Variants in SIRT2 observed in about 807,000 individuals in gnomAD.
The protein encoded by SIRT2 is sirtuin 2, also known as NAD-dependent protein deacetylase sirtuin-2.
A neutral mutation model predicts 57.4 loss-of-function variants in SIRT2; 40 were observed. The observed-to-expected ratio is 0.70, with a 90% CI of 0.54 to 0.91. The LOEUF is 0.91. Ranked by LOEUF, SIRT2 falls within the 40% of genes least tolerant of loss-of-function variation. The pLI is 0.00. For synonymous variants in SIRT2, 161 were observed against 195.7 expected, an observed-to-expected ratio of 0.82 and a Z score of 1.48; for missense variants, 439 against 510.4, an observed-to-expected ratio of 0.86 and a Z score of 1.35.
Position 38,889,092 on chromosome 19 carries a change from TGTAGCAGCGCAGGA to T in SIRT2, c.482_495del (p.Leu161HisfsTer51). 1 of 1,611,796 alleles carries T rather than the reference TGTAGCAGCGCAGGA, an allele frequency of 6.2e-7. No homozygotes were observed. The highest frequency in any genetic ancestry group is 8.5e-7 in the Non-Finnish European group (1 of 1,179,524). Reference sequence around the variant, plus strand: ...GGATGCTCGCATCCGCCTACCTGCGTGTAGCAGCGCAGGAGTAGCCCCTTGTCCTTCAGCAGGCG... The same window carrying T: ...GGATGCTCGCATCCGCCTACCTGCGTGTAGCCCCTTGTCCTTCAGCAGGCG... On this transcript the variant is annotated frameshift_variant, in exon 8 of 16. Coordinates refer to ENST00000249396, the MANE Select transcript of SIRT2 (RefSeq NM_012237.4). LOFTEE classifies it high-confidence loss of function.
At chr19:38,889,667 C>T (rs1156853275) in intron 7 of SIRT2, 22 bp downstream of exon 7, 4 of 1,613,390 alleles carry the variant, frequency 2.5e-6, no homozygotes, top group Non-Finnish European at 3.4e-6. Context: ...CTGTTTCGCC[C>T]CCTGCAAAAC....
rs112014215 is a variant in SIRT2, at chr19:38,879,908, C to T, written c.877-206G>A. The stretch of plus-strand genomic sequence containing the variant: ...TGATGTGATCTCGGCTCACTGCAAC[C>T]TCCACCTCCTGGGTTCAAGTGATTC... On this transcript the variant is annotated intron_variant, in intron 13 of 15. Transcript: ENST00000249396. The T allele has an allele frequency of 1.1e-3, 630 of 564,492 alleles. 3 individuals are homozygous for T. Among genetic ancestry groups the T allele is most frequent in the African/African-American group, 0.011 (577 of 53,324 alleles). The allele number at this position is 564,492 out of a possible 1,614,324, so 35.0% of individuals were successfully genotyped here. A position where few individuals can be genotyped will look rare whatever the true frequency, so the allele number is the denominator to read the frequency against.
chr19:38,879,161 G>C lies in SIRT2; in HGVS notation c.1164C>G (p.Pro388=), dbSNP rs1400105255. 1 of 1,569,888 alleles carries C rather than the reference G, an allele frequency of 6.4e-7. No individual in the cohort carries two copies. The highest frequency in any genetic ancestry group is 8.6e-7 in the Non-Finnish European group (1 of 1,164,744). The part of the protein sequence containing the change: ...DEARTTEREK[P]Q ...CGCCTGGGAGATGCAGCTGTCACTG[G>C]GGTTTCTCCCTCTCTGTTGTCCTGG... Residue 388 remains proline, a synonymous_variant, in exon 16 of 16, where the codon CCC becomes CCG. Transcript: ENST00000249396.
At chr19:38,889,035 C>A in intron 8 of SIRT2, 52 bp downstream of exon 8, 1 of 1,544,694 alleles carries the variant, frequency 6.5e-7, no homozygotes, top group South Asian at 1.1e-5. Context: ...CTGAGGACAC[C>A]ATGCCCGTTC....
At position 38,880,917 on chromosome 19, in the gene SIRT2, C is replaced by T. The variant is rs985261189; in HGVS notation, c.748-20G>A. On this transcript the variant is annotated intron_variant, in intron 11 of 15. Transcript: ENST00000249396. The surrounding 1 kb of genome is among the most constrained non-coding windows in gnomAD (Gnocchi z 4.1). The stretch of plus-strand genomic sequence containing the variant: ...GAAGTCCTGCGGGGAGGGGCGTGAG[C>T]TTGGGAGCCTCCGCCCAGGCTGCGC... 6.2e-7 allele frequency: 1 copy of T among 1,610,802 alleles called. No homozygotes were observed. The highest frequency in any genetic ancestry group is 1.3e-5 in the African/African-American group (1 of 74,846).
At chr19:38,893,092 T>C (rs1016406961) in intron 4 of SIRT2, among the ~76,000 whole-genome samples, 2 of 150,878 alleles carry the variant, frequency 1.3e-5, no homozygotes, top group African/African-American at 4.9e-5. Flanking sequence ...TTTGAACTAC[T>C]GGGAAAAGGT....
At position 38,879,098 on chromosome 19, in the gene SIRT2, C is replaced by T. The variant is rs779532093; in HGVS notation, c.*57G>A. On this transcript the variant is annotated 3_prime_UTR_variant, in exon 16 of 16. Coordinates refer to ENST00000249396, the MANE Select transcript of SIRT2 (RefSeq NM_012237.4). ...CTGCTGGTTAAGAGGGGGCCAGGCC[C>T]GGTTGGGGCTCAGCTGTCCCTGAGG... 4.8e-5 allele frequency: 72 copies of T among 1,502,520 alleles called. No homozygotes were observed. Among genetic ancestry groups the T allele is most frequent in the South Asian group, 3.1e-4 (22 of 72,066 alleles). The allele number at this position is 1,502,520 out of a possible 1,614,324, so 93.1% of individuals were successfully genotyped here. A position where few individuals can be genotyped will look rare whatever the true frequency, so the allele number is the denominator to read the frequency against.
chr19:38,879,250 C>A lies in SIRT2; in HGVS notation c.1075G>T (p.Gly359Trp). 1 of 1,604,634 alleles carries A rather than the reference C, an allele frequency of 6.2e-7. No homozygotes were observed. Among genetic ancestry groups the A allele is most frequent in the East Asian group, 2.2e-5 (1 of 44,832 alleles). ...HASIDAQSGA[G>W]VPNPSTSASP... The stretch of plus-strand genomic sequence containing the variant: ...GCTGAAGTGCTGGGGTTGGGGACCC[C>A]CGCCCCCGACTGGGCATCTATGCTG... Residue 359 changes from glycine (G) to tryptophan (W), a missense_variant, in exon 16 of 16, where the codon GGG (glycine) becomes TGG (tryptophan). Coordinates refer to ENST00000249396, the MANE Select transcript of SIRT2 (RefSeq NM_012237.4).
chr19:38,897,683 C>T (rs535950513), intron 2 of SIRT2, among the ~76,000 whole-genome samples: 1 of 152,248 alleles, frequency 6.6e-6, no homozygotes, highest in African/African-American at 2.4e-5. Context: ...CACCACTACA[C>T]ATGGCTAATT....
chr19:38,889,718 C>A lies in SIRT2; in HGVS notation c.403G>T (p.Ala135Ser), dbSNP rs143889239. 6.2e-7 allele frequency: 1 copy of A among 1,614,074 alleles called. No individual in the cohort carries two copies. Among genetic ancestry groups the A allele is most frequent in the South Asian group, 1.1e-5 (1 of 91,084 alleles). ...AACTGCCCAGGATAGAGTTCCTTGGCGAGGGCGAAGAAGGGTTCCGGATGT... is the reference window on the plus strand; with the variant it reads ...AACTGCCCAGGATAGAGTTCCTTGGAGAGGGCGAAGAAGGGTTCCGGATGT... ...KKHPEPFFAL[A>S]KELYPGQFKP... Residue 135 changes from alanine to serine, a missense_variant, in exon 7 of 16, where the codon GCC becomes TCC. Coordinates refer to ENST00000249396, the MANE Select transcript of SIRT2 (RefSeq NM_012237.4).
Position 38,881,110 on chromosome 19 carries a change from CAGG to C in SIRT2, c.734_736del (p.Ser245del). The C allele has an allele frequency of 5.6e-6, 9 of 1,613,358 alleles. No individual in the cohort carries two copies. The highest frequency in any genetic ancestry group is 7.6e-6 in the Non-Finnish European group (9 of 1,179,778). ...TGGGGGGCCACTTACTGACTGCATA[CAGG>C]AGAAGAAACGCGCTGGGAGGCTCTC... On this transcript the variant is annotated inframe_deletion, in exon 11 of 16. Transcript: ENST00000249396.
rs574443060 is a variant in SIRT2, at chr19:38,880,529, G to C, written c.876+156C>G. Reference sequence around the variant, plus strand: ...GCTCAAAAGGGCAGTGAATGTCCCAGAGGCCTGGAACCCGACCCCTCTGGA... The same window carrying C: ...GCTCAAAAGGGCAGTGAATGTCCCACAGGCCTGGAACCCGACCCCTCTGGA... On this transcript the variant is annotated intron_variant, in intron 13 of 15. Coordinates refer to ENST00000249396, the MANE Select transcript of SIRT2 (RefSeq NM_012237.4). This position sits in a 1 kb window ranked among gnomAD's most constrained non-coding sequence, Gnocchi z 4.1. 1 of 603,184 alleles carries C rather than the reference G, an allele frequency of 1.7e-6. No homozygotes were observed. The highest frequency in any genetic ancestry group is 2.6e-5 in the Admixed American group (1 of 38,524). The allele number at this position is 603,184 out of a possible 1,614,324, so 37.4% of individuals were successfully genotyped here. A position where few individuals can be genotyped will look rare whatever the true frequency, so the allele number is the denominator to read the frequency against.
chr19:38,890,007 C>T (rs769569029), intron 5 of SIRT2, 46 bp from the exon 6 acceptor site: 1 of 1,610,494 alleles, frequency 6.2e-7, no homozygotes, highest in Non-Finnish European at 8.5e-7. Flanking sequence ...CCATACTAAC[C>T]CTCCCAGGAC....
chr19:38,887,518 G>A (rs1973380240), intron 8 of SIRT2, among the ~76,000 whole-genome samples: 1 of 151,950 alleles, frequency 6.6e-6, no homozygotes, highest in Admixed American at 6.6e-5. Flanking sequence ...CTCCCACTTT[G>A]GCCTCCCAAA....
chr19:38,895,052 T>C (rs1195822270), intron 2 of SIRT2, among the ~76,000 whole-genome samples: 1 of 140,642 alleles, frequency 7.1e-6, no homozygotes, highest in Non-Finnish European at 1.5e-5. Context: ...ATCAGCCAGA[T>C]GTTTCCTGCC....
chr19:38,883,007 G>T (rs1005171206), intron 9 of SIRT2, among the ~76,000 whole-genome samples: 2 of 151,582 alleles, frequency 1.3e-5, no homozygotes, highest in Non-Finnish European at 2.9e-5. Context: ...AGGGACACCA[G>T]AGGCTTTGTT....
rs1294380200 is a variant in SIRT2 at position 38,880,824 on chromosome 19, C to T, written c.821G>A (p.Ser274Asn). Residue 274 changes from serine (S) to asparagine (N), a missense_variant, in exon 12 of 16, where the codon AGC (serine) becomes AAC (asparagine). Ser to Asn is a conservative substitution (Grantham distance 46). Coordinates refer to ENST00000249396, the MANE Select transcript of SIRT2 (RefSeq NM_012237.4). The surrounding 1 kb of genome is among the most constrained non-coding windows in gnomAD (Gnocchi z 4.1). ...CCAGCCACAGCCCCCAACCTACTTG[C>T]TGATGAGGGAGGCAAAGGGCTGCAC... ...LQVQPFASLI[S>N]KAPLSTPRLL... The T allele has an allele frequency of 1.2e-6, 2 of 1,613,868 alleles. No individual in the cohort carries two copies. Among genetic ancestry groups the T allele is most frequent in the East Asian group, 2.2e-5 (1 of 44,882 alleles).
chr19:38,899,081 G>T (rs776826733), intron 1 of SIRT2, among the ~76,000 whole-genome samples: 1 of 152,122 alleles, frequency 6.6e-6, no homozygotes, highest in Non-Finnish European at 1.5e-5. Context: ...GTTTAGGAGG[G>T]AGGTGCAGTG....
At chr19:38,883,932 T>C (rs1973240975) in intron 8 of SIRT2, among the ~76,000 whole-genome samples, 176 bp from the exon 9 acceptor site, 1 of 152,038 alleles carries the variant, frequency 6.6e-6, no homozygotes, top group Non-Finnish European at 1.5e-5. Context: ...TTCATCCCAA[T>C]GGTGCCACTT....
Sources: gnomAD v4.1 joint callset for allele counts (sites outside exome capture counted in the v4.1 genomes callset) on GRCh38, gnomAD v4.1.1 for gene constraint, Gnocchi (gnomAD v3.1) non-coding constraint, MANE v1.5 for transcripts, NCBI Gene and HGNC (gene_info 2026-07-23, HGNC 2026-07-21) for gene names.